ITM2B: variants seen among roughly 807,000 people sequenced by gnomAD.
ITM2B encodes integral membrane protein 2B, also known as ABri/ADan amyloid peptide.
ITM2B carries 11 observed loss-of-function variants against 27.8 expected under a neutral mutation model. That is an observed-to-expected ratio of 0.40 (90% CI 0.25 to 0.66). The LOEUF (loss-of-function observed/expected upper bound fraction) is 0.66, where lower values mean the gene tolerates loss of function less well. Ranked by LOEUF, ITM2B falls within the 30% of genes least tolerant of loss-of-function variation. The probability of loss-of-function intolerance (pLI) is 0.43; values close to 1 mark genes in which losing one functional copy is unlikely to be tolerated. For synonymous variants in ITM2B, 114 were observed against 114.3 expected (o/e 1.00, Z 0.02); for missense variants, 296 against 328.9 (o/e 0.90, Z 0.77).
chr13:48,253,966 A>ATTTTT, intron 2 of ITM2B, 30 bp downstream of exon 2: 3 of 1,457,910 alleles, frequency 2.1e-6, no homozygotes, highest in Non-Finnish European at 2.8e-6. Flanking sequence ...TGTGTCTCTG[A>ATTTTT]TTTTTTTTTT....
intron 1 of ITM2B, 41 bp downstream of exon 1, chr13:48,233,518 G>C: frequency 7.4e-7 from 1 of 1,349,358 alleles, no homozygotes; most frequent in Non-Finnish European, 1.0e-6. Context: ...TGCTGGGCCC[G>C]GCCGGGGAGG....
chr13:48,261,139 G>A lies in ITM2B; in HGVS notation c.716G>A (p.Gly239Asp), dbSNP rs1951819597. The A allele has an allele frequency of 6.2e-7, 1 of 1,609,460 alleles. No individual in the cohort carries two copies. The highest frequency in any genetic ancestry group is 8.5e-7 in the Non-Finnish European group (1 of 1,176,754). ...AAAAACTTTTTTCCCTCTCCAACAG[G>A]TATTCAGAAACGTGAAGCCAGCAAT... The part of the protein sequence containing the change: ...YKLQRRETIK[G>D]IQKREASNCF... Residue 239 changes from glycine (G) to aspartate (D), a missense_variant and splice_region_variant, in exon 6 of 6, where the codon GGT (glycine) becomes GAT (aspartate). Gly to Asp is a moderately conservative substitution (Grantham distance 94). Transcript: ENST00000647800.
At chr13:48,246,506 A>C (rs1328007646) in intron 1 of ITM2B, among the ~76,000 whole-genome samples, 1 of 152,240 alleles carries the variant, frequency 6.6e-6, no homozygotes, top group African/African-American at 2.4e-5. Context: ...TACATATACC[A>C]GATATATTTG....
In ITM2B at chr13:48,259,843, T is replaced by C. The variant is rs1450422404; in HGVS notation, c.715+896T>C. ...AGCAAAGTACCCAATAGGTAGTTTT[T>C]CTTTTCTTTTCTTTTTTTTATTATA... is the stretch of plus-strand genomic sequence containing the variant. On this transcript the variant is annotated intron_variant, in intron 5 of 5. Transcript: ENST00000647800. Among the ~76,000 whole-genome samples the C allele has an allele frequency of 2.6e-5, 4 of 152,140 alleles. No homozygotes were observed. The East Asian group carries it at 7.7e-4, about 29-fold the overall frequency.
rs1951857430 is a variant in ITM2B, at chr13:48,267,087, AAGTCCGGG to A, written c.*5869_*5876del. 1 of 152,168 alleles carries A rather than the reference AAGTCCGGG, an allele frequency of 6.6e-6. No individual in the cohort carries two copies. Among genetic ancestry groups the A allele is most frequent in the African/African-American group, 2.4e-5 (1 of 41,452 alleles). The allele number at this position is 152,168 out of a possible 1,614,324, so 9.4% of individuals were successfully genotyped here. On this transcript the variant is annotated 3_prime_UTR_variant, in exon 6 of 6. Transcript: ENST00000647800. Reference sequence around the variant, plus strand: ...CCAGGCAGGATGCTAAATGTCTTAAAAGTCCGGGAGTCCTGCACAAAAAATTACTGCCC... The same window carrying A: ...CCAGGCAGGATGCTAAATGTCTTAAAAGTCCTGCACAAAAAATTACTGCCC...
chr13:48,253,221 A>G (rs936147019), intron 1 of ITM2B, among the ~76,000 whole-genome samples: 1 of 152,164 alleles, frequency 6.6e-6, no homozygotes. Flanking sequence ...CTATGTATAT[A>G]ATTTTGTCCT....
chr13:48,237,099 C>T (rs1245410287), intron 1 of ITM2B, among the ~76,000 whole-genome samples: 5 of 152,044 alleles, frequency 3.3e-5, no homozygotes, highest in African/African-American at 1.2e-4. Context: ...TTAAGCTTTT[C>T]GTTTGTGGTG....
At chr13:48,260,361 C>T (rs947710279) in intron 5 of ITM2B, among the ~76,000 whole-genome samples, 1 of 152,074 alleles carries the variant, frequency 6.6e-6, no homozygotes, top group Non-Finnish European at 1.5e-5. Context: ...TGTATATGCC[C>T]AGTAATGGGA....
intron 1 of ITM2B, among the ~76,000 whole-genome samples, chr13:48,238,117 A>G (rs951655946): frequency 1.3e-5 from 2 of 152,226 alleles, no homozygotes; most frequent in African/African-American, 4.8e-5. Flanking sequence ...GTGCTTCACA[A>G]TGAAAGTCTT....
At chr13:48,248,457 G>T (rs755382429) in intron 1 of ITM2B, among the ~76,000 whole-genome samples, 9 of 151,824 alleles carry the variant, frequency 5.9e-5, no homozygotes, top group Non-Finnish European at 1.2e-4. Context: ...CTTTTTAGCA[G>T]TATTATATGA....
At chr13:48,247,048 G>C (rs1951728037) in intron 1 of ITM2B, among the ~76,000 whole-genome samples, 1 of 152,106 alleles carries the variant, frequency 6.6e-6, no homozygotes, top group Non-Finnish European at 1.5e-5. Flanking sequence ...GGATGGTCTC[G>C]ATCTCCTGAC....
At chr13:48,256,587 C>T (rs1338106869) in intron 3 of ITM2B, among the ~76,000 whole-genome samples, 1 of 152,170 alleles carries the variant, frequency 6.6e-6, no homozygotes, top group Non-Finnish European at 1.5e-5. Flanking sequence ...CTTGCCTTAC[C>T]TACTCTTAAA....
chr13:48,252,459 A>G (rs1395538713), intron 1 of ITM2B, among the ~76,000 whole-genome samples: 1 of 152,140 alleles, frequency 6.6e-6, no homozygotes, highest in Non-Finnish European at 1.5e-5. Flanking sequence ...CCTATTGTGA[A>G]CTGTGCATGT....
At chr13:48,258,987 T>C (rs781397297) in intron 5 of ITM2B, 40 bp downstream of exon 5, 3 of 1,514,596 alleles carry the variant, frequency 2.0e-6, no homozygotes, top group Non-Finnish European at 2.7e-6. Flanking sequence ...GCAGAAAAGT[T>C]CATTGCATTA....
chr13:48,244,045 C>A (rs1951713145), intron 1 of ITM2B, among the ~76,000 whole-genome samples: 1 of 152,094 alleles, frequency 6.6e-6, no homozygotes, highest in African/African-American at 2.4e-5. Context: ...AATAATTTTA[C>A]TTCTCTGGGC....
At chr13:48,236,395 T>A (rs902747491) in intron 1 of ITM2B, among the ~76,000 whole-genome samples, 1 of 152,264 alleles carries the variant, frequency 6.6e-6, no homozygotes, top group Non-Finnish European at 1.5e-5. Context: ...CCCAGTTTTG[T>A]CATTACATAA....
chr13:48,253,451 T>G (rs148322346), intron 1 of ITM2B, among the ~76,000 whole-genome samples: 240 of 152,330 alleles, frequency 1.6e-3, no homozygotes, highest in African/African-American at 5.4e-3. Flanking sequence ...ATTATGTGAC[T>G]AAGTTGTAGC....
intron 1 of ITM2B, 49 bp from the exon 2 acceptor site, chr13:48,253,759 G>C: frequency 6.3e-7 from 1 of 1,582,222 alleles, no homozygotes; most frequent in Non-Finnish European, 8.7e-7. Context: ...TGAGCCTTCT[G>C]TTATTCTGTC....
chr13:48,249,356 A>G (rs1006638372), intron 1 of ITM2B, among the ~76,000 whole-genome samples: 3 of 152,176 alleles, frequency 2.0e-5, no homozygotes, highest in African/African-American at 7.2e-5. Context: ...CATGGTATGA[A>G]TATACCACAA....
Sources: allele counts gnomAD v4.1 joint callset (sites outside exome capture counted in the v4.1 genomes callset), GRCh38; gene constraint gnomAD v4.1.1; transcripts MANE v1.5; gene names NCBI Gene and HGNC (gene_info 2026-07-23, HGNC 2026-07-21).